Variants in NTN1 observed in about 807,000 individuals in gnomAD.
NTN1 encodes the protein netrin-1.
Under a neutral mutation model 54.2 loss-of-function variants are expected in NTN1, and 11 were observed. The ratio of observed to expected loss-of-function variants is 0.20; its 90% confidence interval spans 0.13 to 0.34. The LOEUF is 0.34. NTN1 is among the 10% of genes least tolerant of loss of function. The probability of loss-of-function intolerance (pLI) is 1.00; values close to 1 mark genes in which losing one functional copy is unlikely to be tolerated. For missense variants in NTN1, 740 were observed against 893.1 expected, an observed-to-expected ratio of 0.83 and a Z score of 2.18; for synonymous variants, 371 against 382.0, an observed-to-expected ratio of 0.97 and a Z score of 0.33.
At chr17:9,168,581 T>C (rs1320774212) in intron 3 of NTN1, among the ~76,000 whole-genome samples, 1 of 152,078 alleles carries the variant, frequency 6.6e-6, no homozygotes, top group African/African-American at 2.4e-5. Context: ...TTAGCTAGTG[T>C]AGCCTGATTA....
At chr17:9,206,537 A>G (rs1904973534) in intron 5 of NTN1, among the ~76,000 whole-genome samples, 1 of 151,998 alleles carries the variant, frequency 6.6e-6, no homozygotes, top group South Asian at 2.1e-4. Flanking sequence ...CCCCTCCCAG[A>G]AGTCCACCCC....
At chr17:9,124,615 A>G (rs867105619) in intron 2 of NTN1, among the ~76,000 whole-genome samples, 7 of 152,228 alleles carry the variant, frequency 4.6e-5, no homozygotes, top group East Asian at 3.8e-4. Context: ...GGAATCCTGC[A>G]TAGGCCTCCT....
At chr17:9,148,173 G>A (rs1167450763) in intron 2 of NTN1, among the ~76,000 whole-genome samples, 1 of 152,142 alleles carries the variant, frequency 6.6e-6, no homozygotes, top group African/African-American at 2.4e-5. Flanking sequence ...GCAGTTTTTG[G>A]GTCATCCAAT....
At chr17:9,158,469 T>A (rs1473133611) in intron 2 of NTN1, among the ~76,000 whole-genome samples, 2 of 152,210 alleles carry the variant, frequency 1.3e-5, no homozygotes, top group African/African-American at 4.8e-5. Context: ...TCCTTCCAGA[T>A]CCCTGTCCCC....
rs55765967 is a variant in NTN1, at chr17:9,163,477, A to AACACAC, written c.1207+515_1207+520dup. 1.6e-3 allele frequency among the ~76,000 whole-genome samples: 226 copies of AACACAC among 142,756 alleles called. 1 individual carries two copies. The highest frequency in any genetic ancestry group is 7.9e-3 in the East Asian group (38 of 4,832). 93.7% of individuals were successfully genotyped at this position (142,756 alleles called of 152,430 possible). Reference sequence around the variant, plus strand: ...CGCACCGCCCCTCACTCCCCCCCGAAACACACACACACACACACACACACA... The same window carrying AACACAC: ...CGCACCGCCCCTCACTCCCCCCCGAAACACACACACACACACACACACACACACACA... On this transcript the variant is annotated intron_variant, in intron 3 of 6. Coordinates refer to ENST00000173229, the MANE Select transcript of NTN1 (RefSeq NM_004822.3).
the NTN1 span, among the ~76,000 whole-genome samples, chr17:9,004,115 G>C: frequency 1.3e-5 from 2 of 152,236 alleles, no homozygotes; most frequent in Admixed American, 1.3e-4. Context: ...CATCTAGAAG[G>C]AGGCGCAGGC....
chr17:9,023,236 A>G lies in NTN1; in HGVS notation c.863A>G (p.Asn288Ser), dbSNP rs1195204919. 6.4e-7 allele frequency: 1 copy of G among 1,568,094 alleles called. No homozygotes were observed. Among genetic ancestry groups the G allele is most frequent in the Non-Finnish European group, 8.6e-7 (1 of 1,156,770 alleles). ...CAGGTGGGCGGCCGGTGCAAGTGCAACGGCCACGCGGCCCGCTGCGTGCGC... is the reference window on the plus strand; with the variant it reads ...CAGGTGGGCGGCCGGTGCAAGTGCAGCGGCCACGCGGCCCGCTGCGTGCGC... The part of the protein sequence containing the change: ...DLQVGGRCKC[N>S]GHAARCVRDR... Residue 288 changes from asparagine (N) to serine (S), a missense_variant, in exon 2 of 7, where the codon AAC becomes AGC. Asn to Ser is a conservative substitution (Grantham distance 46). Coordinates refer to ENST00000173229, the MANE Select transcript of NTN1 (RefSeq NM_004822.3).
chr17:9,234,233 G>C (rs1905905287), intron 6 of NTN1, among the ~76,000 whole-genome samples: 1 of 152,230 alleles, frequency 6.6e-6, no homozygotes, highest in South Asian at 2.1e-4. Flanking sequence ...GGCTGAGAGA[G>C]TTCTTGGAAT....
rs1479011088 is a variant in NTN1, at chr17:9,023,021, C to T, written c.648C>T (p.Gly216=). Residue 216 remains glycine, a synonymous_variant, in exon 2 of 7, where the codon GGC becomes GGT. Transcript: ENST00000173229. ...SHTDMRPLSG[G]LIAFSTLDGR... ...CCGACATGCGCCCGCTCTCGGGCGG[C>T]CTCATCGCCTTCAGCACGCTGGACG... is the stretch of plus-strand genomic sequence containing the variant. 1 of 1,600,590 alleles carries T rather than the reference C, an allele frequency of 6.2e-7. No individual in the cohort carries two copies. The highest frequency in any genetic ancestry group is 1.1e-5 in the South Asian group (1 of 89,350).
At chr17:9,193,090 A>G (rs947410760) in intron 5 of NTN1, among the ~76,000 whole-genome samples, 12 of 143,422 alleles carry the variant, frequency 8.4e-5, no homozygotes, top group Non-Finnish European at 1.9e-4. Flanking sequence ...AAAAAAAAAA[A>G]AAAAAGAAAA....
intron 2 of NTN1, among the ~76,000 whole-genome samples, chr17:9,058,831 G>C (rs1162543101): frequency 2.6e-5 from 4 of 151,992 alleles, no homozygotes; most frequent in Non-Finnish European, 5.9e-5. Context: ...TTGTCTTTAA[G>C]GAGTTGAAGG....
At chr17:9,121,285 T>A (rs568395420) in intron 2 of NTN1, among the ~76,000 whole-genome samples, 1 of 152,208 alleles carries the variant, frequency 6.6e-6, no homozygotes, top group Admixed American at 6.5e-5. Flanking sequence ...TCACTTCTTT[T>A]CCCCATGAAC....
At chr17:9,063,046 G>C (rs12949535) in intron 2 of NTN1, among the ~76,000 whole-genome samples, 14,892 of 151,850 alleles carry the variant, frequency 0.098, 885 homozygotes, top group South Asian at 0.2. Context: ...TTTTTCCAAA[G>C]GGAAAGACTA....
At chr17:9,003,808 G>T in the NTN1 span, among the ~76,000 whole-genome samples, 1 of 152,104 alleles carries the variant, frequency 6.6e-6, no homozygotes, top group East Asian at 1.9e-4. The surrounding 1 kb of genome is among the most constrained non-coding windows in gnomAD (Gnocchi z 7.4). Context: ...AACAGAGGTG[G>T]GAAGAAAGGC....
At chr17:9,016,731 A>G (rs553061279), upstream of NTN1, among the ~76,000 whole-genome samples, 1 of 152,174 alleles carries the variant, frequency 6.6e-6, no homozygotes, top group South Asian at 2.1e-4. Flanking sequence ...GGCCCATCAT[A>G]TCAGCCACCC....
chr17:9,111,197 A>G (rs2092189327), intron 2 of NTN1, among the ~76,000 whole-genome samples: 1 of 152,044 alleles, frequency 6.6e-6, no homozygotes, highest in Non-Finnish European at 1.5e-5. Context: ...CGGCCTCCCA[A>G]AGTGCTGGGA....
At chr17:9,074,984 G>A (rs1325658616) in intron 2 of NTN1, among the ~76,000 whole-genome samples, 1 of 152,222 alleles carries the variant, frequency 6.6e-6, no homozygotes, top group Admixed American at 6.5e-5. Flanking sequence ...GTGTGGATGT[G>A]GAATATGCTA....
At chr17:9,225,457 G>T (rs1004163180) in intron 6 of NTN1, among the ~76,000 whole-genome samples, 2 of 152,156 alleles carry the variant, frequency 1.3e-5, no homozygotes, top group African/African-American at 2.4e-5. Flanking sequence ...CCCCACAGGG[G>T]CTGGCGGGGG....
chr17:9,187,840 A>C (rs1309905017), intron 5 of NTN1, among the ~76,000 whole-genome samples: 1 of 149,196 alleles, frequency 6.7e-6, no homozygotes, highest in African/African-American at 2.5e-5. Context: ...CAAAAAAAAA[A>C]AGAAATGAAG....
Sources: allele counts gnomAD v4.1 joint callset (sites outside exome capture counted in the v4.1 genomes callset), GRCh38; gene constraint gnomAD v4.1.1; non-coding constraint Gnocchi (gnomAD v3.1); transcripts MANE v1.5; gene names NCBI Gene and HGNC (gene_info 2026-07-23, HGNC 2026-07-21).